Variants in SHROOM3 observed in about 807,000 individuals in gnomAD.
SHROOM3 encodes the protein protein Shroom3.
A neutral mutation model predicts 138.6 loss-of-function variants in SHROOM3; 47 were observed. That is an observed-to-expected ratio of 0.34 (90% CI 0.27 to 0.43). The LOEUF is 0.43. Ranked by LOEUF, SHROOM3 falls within the 20% of genes least tolerant of loss-of-function variation. The pLI, the probability that SHROOM3 is intolerant of heterozygous loss-of-function variation, is 1.00. For synonymous variants in SHROOM3, 1,062 were observed against 1,063.3 expected (o/e 1.00, Z 0.02); for missense variants, 2,491 against 2,596.5 (o/e 0.96, Z 0.88).
intron 1 of SHROOM3, among the ~76,000 whole-genome samples, chr4:76,442,341 T>G: frequency 6.6e-6 from 1 of 152,000 alleles, no homozygotes; most frequent in East Asian, 1.9e-4. Flanking sequence ...TGTGTGTATC[T>G]GTGTGTATGT....
intron 3 of SHROOM3, among the ~76,000 whole-genome samples, chr4:76,710,716 A>G (rs1358821661): frequency 6.6e-6 from 1 of 152,212 alleles, no homozygotes. Context: ...TTCTCGGAGG[A>G]ATGTCCCAAG....
chr4:76,461,009 TA>T (rs1160181701), intron 1 of SHROOM3, among the ~76,000 whole-genome samples: 1 of 141,176 alleles, frequency 7.1e-6, no homozygotes, highest in South Asian at 2.4e-4. Context: ...AAAATACAAA[TA>T]AAAAAAATTT....
intron 1 of SHROOM3, among the ~76,000 whole-genome samples, chr4:76,507,675 A>G (rs1248191579): frequency 6.6e-6 from 1 of 151,606 alleles, no homozygotes; most frequent in East Asian, 1.9e-4. Flanking sequence ...AGTAGCTGGG[A>G]CTACAGGCGC....
chr4:76,486,454 A>G (rs924395419), intron 1 of SHROOM3, among the ~76,000 whole-genome samples: 1 of 152,216 alleles, frequency 6.6e-6, no homozygotes, highest in Admixed American at 6.5e-5. Flanking sequence ...AGTGTTGACA[A>G]TACCTGTTGG....
chr4:76,774,848 A>G (rs1035125264), intron 10 of SHROOM3, among the ~76,000 whole-genome samples: 3 of 151,712 alleles, frequency 2.0e-5, no homozygotes, highest in African/African-American at 7.3e-5. Context: ...AGGGGGATTT[A>G]GGGCAAAGAC....
At chr4:76,600,673 G>A (rs12501546) in intron 2 of SHROOM3, among the ~76,000 whole-genome samples, 27,424 of 152,004 alleles carry the variant, frequency 0.18, 2,622 homozygotes, top group East Asian at 0.27. Flanking sequence ...TGTTCCTGAT[G>A]GTGCTGCCAG....
At chr4:76,662,623 G>A (rs938062824) in intron 2 of SHROOM3, among the ~76,000 whole-genome samples, 1 of 152,166 alleles carries the variant, frequency 6.6e-6, no homozygotes, top group African/African-American at 2.4e-5. Context: ...GACATCTTCA[G>A]AATTCTGCCT....
intron 7 of SHROOM3, among the ~76,000 whole-genome samples, chr4:76,755,719 A>G (rs879592710): frequency 6.6e-6 from 1 of 152,150 alleles, no homozygotes; most frequent in Admixed American, 6.5e-5. Context: ...CTCAAAAGAG[A>G]AGAGAGACTG....
At chr4:76,778,728 G>A in intron 10 of SHROOM3, 81 bp from the exon 11 acceptor site, 1 of 1,590,598 alleles carries the variant, frequency 6.3e-7, no homozygotes. Context: ...TCCCAGTCCT[G>A]TCAGAGGTGT....
chr4:76,705,120 C>A (rs555715467), intron 2 of SHROOM3, among the ~76,000 whole-genome samples: 1 of 152,074 alleles, frequency 6.6e-6, no homozygotes, highest in Non-Finnish European at 1.5e-5. Context: ...GATCTGGAAC[C>A]CTTTCTTTTG....
At chr4:76,622,699 A>G (rs1029632593) in intron 2 of SHROOM3, among the ~76,000 whole-genome samples, 1 of 152,138 alleles carries the variant, frequency 6.6e-6, no homozygotes, top group Non-Finnish European at 1.5e-5. Flanking sequence ...TTCCACCAAG[A>G]AAGTATAATG....
In SHROOM3 at chr4:76,770,699, T is replaced by G; in HGVS notation, c.5423T>G (p.Ile1808Ser). The G allele has an allele frequency of 6.2e-7, 1 of 1,614,126 alleles. No homozygotes were observed. Among genetic ancestry groups the G allele is most frequent in the Non-Finnish European group, 8.5e-7 (1 of 1,180,032 alleles). Residue 1808 changes from isoleucine to serine, a missense_variant, in exon 10 of 11, where the codon ATC (isoleucine) becomes AGC (serine). Ile to Ser is a moderately radical substitution (Grantham distance 142, BLOSUM62 -2). Coordinates refer to ENST00000296043, the MANE Select transcript of SHROOM3 (RefSeq NM_020859.4). ...GCGAAGGGGAGCCTGCTCACGGACA[T>G]CAAGCTCAACAACGCCCTGGGAGAA... ...QEAKGSLLTD[I>S]KLNNALGEEV...
At chr4:76,456,017 AT>A (rs895358526) in intron 1 of SHROOM3, among the ~76,000 whole-genome samples, 51 of 151,730 alleles carry the variant, frequency 3.4e-4, no homozygotes, top group African/African-American at 1.2e-3. Context: ...TTATTTTTTA[AT>A]TTTTTTTGAG....
chr4:76,611,633 C>T (rs1734763779), intron 2 of SHROOM3, among the ~76,000 whole-genome samples: 1 of 152,148 alleles, frequency 6.6e-6, no homozygotes, highest in African/African-American at 2.4e-5. Flanking sequence ...TATTTGCCCT[C>T]CATTGATAAG....
intron 2 of SHROOM3, among the ~76,000 whole-genome samples, chr4:76,588,431 A>G (rs1433470479): frequency 6.6e-6 from 1 of 152,170 alleles, no homozygotes. Context: ...GAGGGTCCCT[A>G]CTGGTGCTGT....
intron 1 of SHROOM3, among the ~76,000 whole-genome samples, chr4:76,477,527 AT>A (rs1200105669): frequency 3.3e-5 from 5 of 151,964 alleles, no homozygotes; most frequent in African/African-American, 4.9e-5. Flanking sequence ...AATTATTCTC[AT>A]GATTTTTTAT....
At chr4:76,699,876 C>A (rs142839426) in intron 2 of SHROOM3, among the ~76,000 whole-genome samples, 131 of 152,214 alleles carry the variant, frequency 8.6e-4, no homozygotes, top group Middle Eastern at 3.4e-3. Context: ...AGGATGTTAG[C>A]CCTTTGTGGC....
chr4:76,620,373 G>C (rs559173334), intron 2 of SHROOM3, among the ~76,000 whole-genome samples: 4 of 152,278 alleles, frequency 2.6e-5, no homozygotes, highest in Middle Eastern at 6.8e-3. Flanking sequence ...TATCTACATA[G>C]AGGGTGACCA....
At chr4:76,515,391 A>C (rs181481814) in intron 1 of SHROOM3, among the ~76,000 whole-genome samples, 27 of 152,174 alleles carry the variant, frequency 1.8e-4, no homozygotes, top group Admixed American at 3.3e-4. Context: ...GTCTGAAAAA[A>C]AAAAGGAAGG....
Sources: allele counts gnomAD v4.1 joint callset (sites outside exome capture counted in the v4.1 genomes callset), GRCh38; gene constraint gnomAD v4.1.1; transcripts MANE v1.5; gene names NCBI Gene and HGNC (gene_info 2026-07-23, HGNC 2026-07-21).